The following WNT10B variants were observed in gnomAD, a reference collection of about 807,000 sequenced individuals.
WNT10B encodes the protein protein Wnt-10b.
WNT10B carries 26 observed loss-of-function variants against 32.7 expected under a neutral mutation model. The ratio of observed to expected loss-of-function variants is 0.79; its 90% CI spans 0.58 to 1.10. The LOEUF is 1.10. Among genes scored for constraint, WNT10B ranks in the 50% least tolerant of loss-of-function variants. WNT10B has a pLI of 0.00. For synonymous variants in WNT10B, 204 were observed against 220.4 expected, an observed-to-expected ratio of 0.93 and a Z score of 0.66; for missense variants, 474 against 532.5, an observed-to-expected ratio of 0.89 and a Z score of 1.08.
chr12:48,966,597 T>A (rs1404329267), intron 4 of WNT10B, 44 bp from the exon 5 acceptor site: 3 of 1,603,116 alleles, frequency 1.9e-6, no homozygotes, highest in African/African-American at 2.7e-5. Context: ...GGGCAGCAAA[T>A]GGACAGAACA....
intron 3 of WNT10B, chr12:48,969,275 C>G (rs1940802053): frequency 2.6e-6 from 1 of 387,266 alleles, no homozygotes; most frequent in Non-Finnish European, 5.2e-6. Context: ...CTGGGCCAGC[C>G]TTCTGATCCC....
In WNT10B at chr12:48,966,139, A is replaced by C; in HGVS notation, c.1126T>G (p.Cys376Gly). 3 of 1,613,764 alleles carry C rather than the reference A, an allele frequency of 1.9e-6. No individual in the cohort carries two copies. The highest frequency in any genetic ancestry group is 2.5e-6 in the Non-Finnish European group (3 of 1,180,032). Residue 376 changes from cysteine (C) to glycine (G), a missense_variant, in exon 5 of 5, where the codon TGT becomes GGT. By Grantham distance (159) the Cys-to-Gly change is radical. Coordinates refer to ENST00000301061, the MANE Select transcript of WNT10B (RefSeq NM_003394.4). ...CACTCTGTAACCTTGCACTCATCAC[A>C]CAGCACATAGCAGCACCAGTGGAAG... Reference protein sequence around the residue: ...CRFHWCCYVLCDECKVTEWVN... With the variant: ...CRFHWCCYVLGDECKVTEWVN...
At position 48,970,503 on chromosome 12, in the gene WNT10B, A is replaced by G. The variant is rs1249385794; in HGVS notation, c.27T>C (p.Pro9=). The G allele has an allele frequency of 6.2e-7, 1 of 1,602,108 alleles. No individual in the cohort carries two copies. Among genetic ancestry groups the G allele is most frequent in the South Asian group, 1.1e-5 (1 of 89,290 alleles). ...GGAGACCCGCGAGGCCCGAGGGCGGAGGCCGCGGCCGGGGCTCCTCCAGCA... is the reference window on the plus strand; with the variant it reads ...GGAGACCCGCGAGGCCCGAGGGCGGGGGCCGCGGCCGGGGCTCCTCCAGCA... The part of the protein sequence containing the change: MLEEPRPR[P]PPSGLAGLLF... Residue 9 remains proline (P), a synonymous_variant, in exon 2 of 5, where the codon CCT becomes CCC. Coordinates refer to ENST00000301061, the MANE Select transcript of WNT10B (RefSeq NM_003394.4). This position sits in a 1 kb window ranked among gnomAD's most constrained non-coding sequence, Gnocchi z 5.0.
intron 4 of WNT10B, among the ~76,000 whole-genome samples, chr12:48,967,499 C>T (rs939774961): frequency 6.6e-6 from 1 of 151,944 alleles, no homozygotes; most frequent in Non-Finnish European, 1.5e-5. Flanking sequence ...GGGGTTTCTC[C>T]ACCTTGGCCA....
At chr12:48,971,341 G>A (rs1172550908) in intron 1 of WNT10B, 114 bp downstream of exon 1, 1 of 152,458 alleles carries the variant, frequency 6.6e-6, no homozygotes, top group Non-Finnish European at 1.5e-5. Flanking sequence ...CTCTCTATGC[G>A]TCTCTGTGCT....
intron 4 of WNT10B, 151 bp from the exon 5 acceptor site, chr12:48,966,704 T>G: frequency 1.1e-6 from 1 of 874,842 alleles, no homozygotes; most frequent in Non-Finnish European, 1.8e-6. Flanking sequence ...ACATTGCAGT[T>G]AGCTAATAGC....
chr12:48,968,199 T>C lies in WNT10B; in HGVS notation c.458A>G (p.Glu153Gly). The change falls in exon 4 of 5, where the codon GAG (glutamate) becomes GGG (glycine). Residue 153 changes from glutamate (E) to glycine (G), a missense_variant. Transcript: ENST00000301061. ...CAGTTTGGCCCTCAGCCGATCCTGC[T>C]CACCACTGCCCTTCCAGCCACAGCC... ...SCGCGWKGSG[E>G]QDRLRAKLLQ... The C allele has an allele frequency of 6.2e-7, 1 of 1,613,646 alleles. No individual in the cohort carries two copies. The highest frequency in any genetic ancestry group is 8.5e-7 in the Non-Finnish European group (1 of 1,180,030).
rs564268946 is a variant in WNT10B, at chr12:48,967,423, C to A, written c.711+523G>T. On this transcript the variant is annotated intron_variant, in intron 4 of 4. Coordinates refer to ENST00000301061, the MANE Select transcript of WNT10B (RefSeq NM_003394.4). Reference sequence around the variant, plus strand: ...TCTTGATCCACCCGCCTCGGCCTCCCAAAGTGCTGGGATTACAGGTGTGAG... The same window carrying A: ...TCTTGATCCACCCGCCTCGGCCTCCAAAAGTGCTGGGATTACAGGTGTGAG... 4.6e-5 allele frequency among the ~76,000 whole-genome samples: 7 copies of A among 152,214 alleles called. No homozygotes were observed. The South Asian group carries it at 1.5e-3, about 32-fold the overall frequency.
chr12:48,966,133 C>T lies in WNT10B; in HGVS notation c.1132G>A (p.Glu378Lys), dbSNP rs1191874084. 6.2e-7 allele frequency: 1 copy of T among 1,613,726 alleles called. No individual in the cohort carries two copies. Among genetic ancestry groups the T allele is most frequent in the Non-Finnish European group, 8.5e-7 (1 of 1,180,028 alleles). The change falls in exon 5 of 5, where the codon GAG becomes AAG. Residue 378 changes from glutamate to lysine, a missense_variant. Physicochemically the swap from Glu to Lys is moderately conservative, Grantham distance 56 (BLOSUM62 1). Transcript: ENST00000301061. The part of the protein sequence containing the change: ...FHWCCYVLCD[E>K]CKVTEWVNVC... ...TTCACCCACTCTGTAACCTTGCACT[C>T]ATCACACAGCACATAGCAGCACCAG...
chr12:48,970,199 A>G lies in WNT10B; in HGVS notation c.227T>C (p.Leu76Pro), dbSNP rs754321392. 4 of 1,586,712 alleles carry G rather than the reference A, an allele frequency of 2.5e-6. No homozygotes were observed. Among genetic ancestry groups the G allele is most frequent in the South Asian group, 2.3e-5 (2 of 87,810 alleles). ...PDVTASALQG[L>P]HIAVHECQHQ... Reference sequence around the variant, plus strand: ...CTGACACTCGTGGACCGCGATGTGCAGACCCTGAAGCGCGGACGCCGTCAC... The same window carrying G: ...CTGACACTCGTGGACCGCGATGTGCGGACCCTGAAGCGCGGACGCCGTCAC... The change falls in exon 3 of 5, where the codon CTG (leucine) becomes CCG (proline). Residue 76 changes from leucine (L) to proline (P), a missense_variant. Physicochemically the swap from Leu to Pro is moderately conservative, Grantham distance 98 (BLOSUM62 -3). Coordinates refer to ENST00000301061, the MANE Select transcript of WNT10B (RefSeq NM_003394.4). The surrounding 1 kb of genome is among the most constrained non-coding windows in gnomAD (Gnocchi z 5.0).
chr12:48,970,020 C>A lies in WNT10B; in HGVS notation c.337+69G>T. ...GCCGCGAAACCATCCCTTCCCGCCT[C>A]CGCGCGCCTCGCCCTGCCGCCCACC... is the stretch of plus-strand genomic sequence containing the variant. On this transcript the variant is annotated intron_variant, in intron 3 of 4. Coordinates refer to ENST00000301061, the MANE Select transcript of WNT10B (RefSeq NM_003394.4). This position sits in a 1 kb window ranked among gnomAD's most constrained non-coding sequence, Gnocchi z 5.0. 7.2e-7 allele frequency: 1 copy of A among 1,388,380 alleles called. No individual in the cohort carries two copies. The highest frequency in any genetic ancestry group is 1.6e-5 in the South Asian group (1 of 61,484). 86.0% of individuals were successfully genotyped at this position (1,388,380 alleles called of 1,614,324 possible). A position where few individuals can be genotyped will look rare whatever the true frequency, so the allele number is the denominator to read the frequency against.
chr12:48,965,935 C>A lies in WNT10B; in HGVS notation c.*160G>T. 1 of 816,850 alleles carries A rather than the reference C, an allele frequency of 1.2e-6. No individual in the cohort carries two copies. Among genetic ancestry groups the A allele is most frequent in the South Asian group, 1.7e-5 (1 of 59,944 alleles). 50.6% of individuals were successfully genotyped at this position (816,850 alleles called of 1,614,324 possible). A position where few individuals can be genotyped will look rare whatever the true frequency, so the allele number is the denominator to read the frequency against. On this transcript the variant is annotated 3_prime_UTR_variant, in exon 5 of 5. Transcript: ENST00000301061. ...TTGTTGGGGAGAAGGCTACACATCC[C>A]AGAGTCCACCTGACCCCCACCACCC... is the stretch of plus-strand genomic sequence containing the variant.
rs1431795219 is a variant in WNT10B at position 48,970,055 on chromosome 12, C to T, written c.337+34G>A. The stretch of plus-strand genomic sequence containing the variant: ...CGCCCTGCCGCCCACCCCCTAGCCT[C>T]CGCGGCAGCGCCGACCCGCCCAGCC... On this transcript the variant is annotated intron_variant, in intron 3 of 4. Transcript: ENST00000301061. This position sits in a 1 kb window ranked among gnomAD's most constrained non-coding sequence, Gnocchi z 5.0. 1 of 1,467,874 alleles carries T rather than the reference C, an allele frequency of 6.8e-7. No homozygotes were observed. The highest frequency in any genetic ancestry group is 9.0e-7 in the Non-Finnish European group (1 of 1,113,192). 90.9% of individuals were successfully genotyped at this position (1,467,874 alleles called of 1,614,324 possible).
At chr12:48,971,016 C>T (rs188590758) in intron 1 of WNT10B, 8 of 191,010 alleles carry the variant, frequency 4.2e-5, no homozygotes, top group Admixed American at 3.2e-4. Flanking sequence ...CTCCAGGTGT[C>T]ATCAAGGGCA....
Position 48,966,119 on chromosome 12 carries a change from T to C in WNT10B, c.1146A>G (p.Thr382=), listed in dbSNP as rs199686438. Residue 382 remains threonine (T), a synonymous_variant, in exon 5 of 5, where the codon ACA becomes ACG. Coordinates refer to ENST00000301061, the MANE Select transcript of WNT10B (RefSeq NM_003394.4). ...CTCACTTACACACATTCACCCACTCTGTAACCTTGCACTCATCACACAGCA... is the reference window on the plus strand; with the variant it reads ...CTCACTTACACACATTCACCCACTCCGTAACCTTGCACTCATCACACAGCA... The part of the protein sequence containing the change: ...CYVLCDECKV[T]EWVNVCK The C allele has an allele frequency of 2.9e-5, 46 of 1,613,756 alleles. No individual in the cohort carries two copies. The highest frequency in any genetic ancestry group is 3.8e-5 in the Non-Finnish European group (45 of 1,180,036).
At chr12:48,967,837 G>T in intron 4 of WNT10B, 109 bp downstream of exon 4, 1 of 1,397,174 alleles carries the variant, frequency 7.2e-7, no homozygotes. Flanking sequence ...CTTGCTGATG[G>T]TGAGTGTCAG....
At chr12:48,966,899 G>T (rs1252596138) in intron 4 of WNT10B, among the ~76,000 whole-genome samples, 2 of 152,182 alleles carry the variant, frequency 1.3e-5, no homozygotes, top group Non-Finnish European at 2.9e-5. Flanking sequence ...AAATTCTGTA[G>T]GGAAGGTAGC....
Position 48,970,027 on chromosome 12 carries a change from C to CCTGCCTCCG in WNT10B, c.337+61_337+62insCGGAGGCAG. The stretch of plus-strand genomic sequence containing the variant: ...AACCATCCCTTCCCGCCTCCGCGCG[C>CCTGCCTCCG]CTCGCCCTGCCGCCCACCCCCTAGC... On this transcript the variant is annotated intron_variant, in intron 3 of 4. Transcript: ENST00000301061. The surrounding 1 kb of genome is among the most constrained non-coding windows in gnomAD (Gnocchi z 5.0). The CCTGCCTCCG allele has an allele frequency of 1.4e-6, 2 of 1,393,028 alleles. No individual in the cohort carries two copies. Among genetic ancestry groups the CCTGCCTCCG allele is most frequent in the African/African-American group, 1.5e-5 (1 of 65,550 alleles). 86.3% of individuals were successfully genotyped at this position (1,393,028 alleles called of 1,614,324 possible). A position where few individuals can be genotyped will look rare whatever the true frequency, so the allele number is the denominator to read the frequency against.
At position 48,966,240 on chromosome 12, in the gene WNT10B, T is replaced by C. The variant is rs1940728986; in HGVS notation, c.1025A>G (p.Asp342Gly). 1 of 1,614,066 alleles carries C rather than the reference T, an allele frequency of 6.2e-7. No individual in the cohort carries two copies. Among genetic ancestry groups the C allele is most frequent in the Admixed American group, 1.7e-5 (1 of 60,004 alleles). The part of the protein sequence containing the change: ...RACNKTSRLL[D>G]GCGSLCCGRG... ...GCCACAGCACAGGCTGCCACAGCCA[T>C]CCAACAGGCGGCTGGTCTTGTTGCA... The change falls in exon 5 of 5, where the codon GAT becomes GGT. Residue 342 changes from aspartate to glycine, a missense_variant. Coordinates refer to ENST00000301061, the MANE Select transcript of WNT10B (RefSeq NM_003394.4).
Sources: allele counts gnomAD v4.1 joint callset (sites outside exome capture counted in the v4.1 genomes callset), GRCh38; gene constraint gnomAD v4.1.1; non-coding constraint Gnocchi (gnomAD v3.1); transcripts MANE v1.5; gene names NCBI Gene and HGNC (gene_info 2026-07-23, HGNC 2026-07-21).